UCHL1: variants seen among roughly 807,000 people sequenced by gnomAD.
UCHL1 encodes ubiquitin C-terminal hydrolase L1.
UCHL1 carries 5 observed loss-of-function variants against 33.3 expected under a neutral mutation model. The observed-to-expected ratio is 0.15, with a 90% CI of 0.08 to 0.32. The LOEUF is 0.32. Among genes scored for constraint, UCHL1 ranks in the 10% least tolerant of loss-of-function variants. UCHL1 has a pLI of 1.00. For missense variants in UCHL1, 236 were observed against 280.0 expected (o/e 0.84, Z 1.12); for synonymous variants, 132 against 108.8 (o/e 1.21, Z -1.33).
intron 6 of UCHL1, 82 bp from the exon 7 acceptor site, chr4:41,263,143 C>A: frequency 9.2e-7 from 1 of 1,092,278 alleles, no homozygotes; most frequent in Non-Finnish European, 1.4e-6. Context: ...CAAGTCAGTT[C>A]AAGCACATTT....
At chr4:41,263,942 C>T (rs1781113509) in intron 7 of UCHL1, among the ~76,000 whole-genome samples, 161 bp from the exon 8 acceptor site, 1 of 152,192 alleles carries the variant, frequency 6.6e-6, no homozygotes, top group African/African-American at 2.4e-5. Flanking sequence ...TGCCTAGGGA[C>T]ACTTGAACCT....
intron 6 of UCHL1, 75 bp downstream of exon 6, chr4:41,261,998 C>T (rs553207196): frequency 5.7e-6 from 9 of 1,574,392 alleles, no homozygotes; most frequent in Non-Finnish European, 6.9e-6. Flanking sequence ...GCAGGAATCT[C>T]TTACTGGAAC....
chr4:41,263,773 TCTC>T (rs1029484220), intron 7 of UCHL1, among the ~76,000 whole-genome samples: 27 of 152,162 alleles, frequency 1.8e-4, no homozygotes, highest in African/African-American at 6.0e-4. Flanking sequence ...ATCTCAGGCG[TCTC>T]CTCCTCTCGC....
Position 41,260,803 on chromosome 4 carries a change from T to C in UCHL1, c.325+6T>C. The C allele has an allele frequency of 6.2e-7, 1 of 1,614,138 alleles. No homozygotes were observed. The highest frequency in any genetic ancestry group is 8.5e-7 in the Non-Finnish European group (1 of 1,180,002). On this transcript the variant is annotated splice_donor_region_variant and intron_variant, in intron 4 of 8. Coordinates refer to ENST00000284440, the MANE Select transcript of UCHL1 (RefSeq NM_004181.5). ...TCAAGACAAACTGGGATTTGGTAGG[T>C]GTGGGTTTTGAGGCCAGCCATCCTA...
chr4:41,262,099 C>A (rs1012642269), intron 6 of UCHL1, among the ~76,000 whole-genome samples, 176 bp downstream of exon 6: 4 of 152,154 alleles, frequency 2.6e-5, no homozygotes, highest in African/African-American at 9.7e-5. Context: ...AAAAAGTTTT[C>A]TTCAGAAATT....
At chr4:41,267,553 G>A (rs968305750) in intron 8 of UCHL1, among the ~76,000 whole-genome samples, 1 of 152,102 alleles carries the variant, frequency 6.6e-6, no homozygotes, top group African/African-American at 2.4e-5. Context: ...GCCACGTTAA[G>A]GCTGTTTTTT....
rs548705677 is a variant in UCHL1 at position 41,261,810 on chromosome 4, C to T, written c.411+10C>T. The T allele has an allele frequency of 9.3e-6, 15 of 1,614,122 alleles. No homozygotes were observed. The South Asian group carries it at 1.4e-4, about 15-fold the overall frequency. ...CTTTGAAAAGAATGAGGTAAGAGAA[C>T]TTACAGAGCATGGCCTTTAAATAAC... On this transcript the variant is annotated intron_variant, in intron 5 of 8. Transcript: ENST00000284440.
intron 4 of UCHL1, among the ~76,000 whole-genome samples, chr4:41,261,391 A>AT (rs1484552158): frequency 6.6e-6 from 1 of 152,184 alleles, no homozygotes; most frequent in Admixed American, 6.5e-5. Context: ...TGTTTTACAA[A>AT]TTAAGAATTG....
In UCHL1 at chr4:41,257,106, G is replaced by C; in HGVS notation, c.34-9G>C. 6.2e-7 allele frequency: 1 copy of C among 1,613,640 alleles called. No homozygotes were observed. Among genetic ancestry groups the C allele is most frequent in the Non-Finnish European group, 8.5e-7 (1 of 1,179,848 alleles). On this transcript the variant is annotated splice_polypyrimidine_tract_variant and intron_variant, in intron 1 of 8. Transcript: ENST00000284440. ...CGGTTTTGCCTTTTTCTTTGCATTT[G>C]CCTTTCAGATGCTGAACAAAGTGAG...
chr4:41,257,745 G>A lies in UCHL1; in HGVS notation c.174+8G>A. 1 of 1,570,528 alleles carries A rather than the reference G, an allele frequency of 6.4e-7. No homozygotes were observed. The highest frequency in any genetic ancestry group is 8.6e-7 in the Non-Finnish European group (1 of 1,163,348). ...TTTCCCCTCACGGCCCAGGTAGGGC[G>A]TGGGGCCCAGGATGCGCCGGCCGCC... On this transcript the variant is annotated splice_region_variant and intron_variant, in intron 3 of 8. Transcript: ENST00000284440.
chr4:41,263,715 G>GGC, intron 7 of UCHL1, among the ~76,000 whole-genome samples: 1 of 152,312 alleles, frequency 6.6e-6, no homozygotes, highest in Middle Eastern at 3.4e-3. Context: ...GGCTTACAAA[G>GGC]GCAAAGGAAT....
intron 3 of UCHL1, among the ~76,000 whole-genome samples, chr4:41,260,236 G>A (rs1320057841): frequency 6.6e-6 from 1 of 152,246 alleles, no homozygotes; most frequent in African/African-American, 2.4e-5. Context: ...TGGTGCTCTT[G>A]TTGGGCATTC....
At chr4:41,257,576 C>A in intron 2 of UCHL1, 33 bp from the exon 3 acceptor site, 16 of 1,491,274 alleles carry the variant, frequency 1.1e-5, no homozygotes, top group Non-Finnish European at 1.4e-5. Context: ...CGCGTGTCCC[C>A]GTGCGCCTGG....
chr4:41,266,813 C>T (rs1476397950), intron 8 of UCHL1, among the ~76,000 whole-genome samples: 1 of 152,056 alleles, frequency 6.6e-6, no homozygotes, highest in African/African-American at 2.4e-5. Flanking sequence ...AGAGATTTTG[C>T]CCAGGCTGGT....
At chr4:41,267,931 T>C in intron 8 of UCHL1, 56 bp from the exon 9 acceptor site, 1 of 1,490,176 alleles carries the variant, frequency 6.7e-7, no homozygotes, top group Admixed American at 1.8e-5. Context: ...TTTCCCTATG[T>C]GACTTTCATT....
chr4:41,263,382 C>CT, intron 7 of UCHL1, 91 bp downstream of exon 7: 4 of 1,209,474 alleles, frequency 3.3e-6, no homozygotes, highest in East Asian at 2.3e-5. Flanking sequence ...CTTTATGGCA[C>CT]TTGGCATATC....
chr4:41,257,801 CT>C, intron 3 of UCHL1, 64 bp downstream of exon 3: 1 of 1,517,900 alleles, frequency 6.6e-7, no homozygotes, highest in African/African-American at 1.4e-5. Flanking sequence ...AGCTTGAGTC[CT>C]CGGGGGCTCC....
At chr4:41,257,532 TCCTGGCCCCGCCCCCTGGCAG>T in intron 2 of UCHL1, 56 bp from the exon 3 acceptor site, 8 of 1,393,874 alleles carry the variant, frequency 5.7e-6, no homozygotes, top group Non-Finnish European at 5.5e-6. Context: ...GGCGCGCGCC[TCCTGGCCCCGCCCCCTGGCAG>T]GTGCCCGCGA....
rs1781183974 is a variant in UCHL1 at position 41,268,128 on chromosome 4, T to C, written c.*55T>C. 2.7e-6 allele frequency: 4 copies of C among 1,507,550 alleles called. No individual in the cohort carries two copies. Among genetic ancestry groups the C allele is most frequent in the Non-Finnish European group, 9.2e-7 (1 of 1,092,040 alleles). 93.4% of individuals were successfully genotyped at this position (1,507,550 alleles called of 1,614,324 possible). ...CCCTCTTCCCTTCAACATGAAAATA[T>C]ATACCCCCCCATGCAGTCTAAAATG... On this transcript the variant is annotated 3_prime_UTR_variant, in exon 9 of 9. Transcript: ENST00000284440.
Sources: allele counts gnomAD v4.1 joint callset (sites outside exome capture counted in the v4.1 genomes callset), GRCh38; gene constraint gnomAD v4.1.1; transcripts MANE v1.5; gene names NCBI Gene and HGNC (gene_info 2026-07-23, HGNC 2026-07-21).